The following SCAPER variants were observed in gnomAD, a reference collection of about 807,000 sequenced individuals.
The protein encoded by SCAPER is S phase cyclin A-associated protein in the endoplasmic reticulum.
Under a neutral mutation model 182.2 loss-of-function variants are expected in SCAPER, and 98 were observed. That is an observed-to-expected ratio of 0.54 (90% CI 0.46 to 0.64). SCAPER has a LOEUF of 0.64. Ranked by LOEUF, SCAPER falls within the 30% of genes least tolerant of loss-of-function variation. The pLI is 0.00. For missense variants in SCAPER, 1,432 were observed against 1,690.0 expected (o/e 0.85, Z 2.68); for synonymous variants, 605 against 564.6 (o/e 1.07, Z -1.01).
chr15:76,404,765 G>A lies in SCAPER; in HGVS notation c.3312-86C>T, dbSNP rs2044707050. On this transcript the variant is annotated intron_variant, in intron 26 of 31. Transcript: ENST00000563290. ...CAATGATAAATGCTACCATACACAG[G>A]CTTGGACCCCTCAAACATGCAGACA... is the stretch of plus-strand genomic sequence containing the variant. 5.9e-6 allele frequency: 8 copies of A among 1,346,786 alleles called. No homozygotes were observed. In the African/African-American group the frequency reaches 7.3e-5, roughly 12 times the overall value. 83.4% of individuals were successfully genotyped at this position (1,346,786 alleles called of 1,614,324 possible). A position where few individuals can be genotyped will look rare whatever the true frequency, so the allele number is the denominator to read the frequency against.
chr15:76,733,177 C>G lies in SCAPER; in HGVS notation c.2022+52G>C, dbSNP rs2061028249. On this transcript the variant is annotated intron_variant, in intron 16 of 31. Transcript: ENST00000563290. Reference sequence around the variant, plus strand: ...CCCACCGACCCTGCGGGGCTGGACCCTACAAATATGACAGGTGCTCAAGCA... The same window carrying G: ...CCCACCGACCCTGCGGGGCTGGACCGTACAAATATGACAGGTGCTCAAGCA... 26 of 1,527,064 alleles carry G rather than the reference C, an allele frequency of 1.7e-5. 1 individual carries two copies. In the South Asian group the frequency reaches 2.5e-4, roughly 14 times the overall value. The allele number at this position is 1,527,064 out of a possible 1,614,324, so 94.6% of individuals were successfully genotyped here. A position where few individuals can be genotyped will look rare whatever the true frequency, so the allele number is the denominator to read the frequency against.
chr15:76,846,573 CA>C (rs966494518), intron 4 of SCAPER, among the ~76,000 whole-genome samples: 2 of 152,052 alleles, frequency 1.3e-5, no homozygotes, highest in Admixed American at 6.6e-5. Flanking sequence ...AGAAGACATA[CA>C]AATGGCAAAC....
At chr15:76,526,293 G>C (rs1256615489) in intron 23 of SCAPER, among the ~76,000 whole-genome samples, 1 of 152,094 alleles carries the variant, frequency 6.6e-6, no homozygotes, top group African/African-American at 2.4e-5. Flanking sequence ...TATGCATTTT[G>C]AACATATTGC....
chr15:76,842,046 T>A (rs1020158799), intron 4 of SCAPER, 115 bp from the exon 5 acceptor site: 114 of 885,996 alleles, frequency 1.3e-4, no homozygotes, highest in Admixed American at 1.1e-4. Flanking sequence ...ATAAAAAGCA[T>A]CTGTACTGAA....
At chr15:76,393,466 G>A (rs145957890) in intron 27 of SCAPER, among the ~76,000 whole-genome samples, 102 of 152,300 alleles carry the variant, frequency 6.7e-4, no homozygotes, top group African/African-American at 2.3e-3. Flanking sequence ...TTAGGAATGG[G>A]CTGACAGTAT....
At chr15:76,678,436 A>G (rs934492089) in intron 20 of SCAPER, among the ~76,000 whole-genome samples, 1 of 152,126 alleles carries the variant, frequency 6.6e-6, no homozygotes, top group African/African-American at 2.4e-5. Context: ...ACATTTAAAA[A>G]ATATTATTAA....
chr15:76,490,529 T>C (rs981989339), intron 24 of SCAPER, among the ~76,000 whole-genome samples: 2 of 152,212 alleles, frequency 1.3e-5, no homozygotes, highest in African/African-American at 4.8e-5. Context: ...AAGAATTTCT[T>C]ACATATTTTG....
At chr15:76,475,632 G>A (rs2050567274) in intron 24 of SCAPER, among the ~76,000 whole-genome samples, 1 of 152,122 alleles carries the variant, frequency 6.6e-6, no homozygotes, top group African/African-American at 2.4e-5. Flanking sequence ...TTTTTAGGAA[G>A]AGCAGGGAAA....
At chr15:76,724,363 T>C (rs1234714865) in intron 17 of SCAPER, among the ~76,000 whole-genome samples, 3 of 152,220 alleles carry the variant, frequency 2.0e-5, no homozygotes, top group African/African-American at 7.2e-5. Context: ...TTAACATTTT[T>C]TCCTTCATTT....
In SCAPER at chr15:76,774,848, G is replaced by T. The variant is rs756402457; in HGVS notation, c.1035+7C>A. 6.2e-6 allele frequency: 10 copies of T among 1,606,380 alleles called. No homozygotes were observed. In the Admixed American group the frequency reaches 1.5e-4, roughly 24 times the overall value. ...AAGACAGTAAAAGGATTTTCAGAAT[G>T]TACTACCTGGGTTTTTTCGGCAAGA... is the stretch of plus-strand genomic sequence containing the variant. On this transcript the variant is annotated splice_region_variant and intron_variant, in intron 9 of 31. Transcript: ENST00000563290.
intron 8 of SCAPER, among the ~76,000 whole-genome samples, chr15:76,792,065 G>T (rs1259638021): frequency 1.3e-5 from 2 of 150,632 alleles, no homozygotes; most frequent in African/African-American, 4.9e-5. Flanking sequence ...TTAGCTGGAG[G>T]CTCTATAATC....
At chr15:76,554,905 C>T (rs993852652) in intron 23 of SCAPER, among the ~76,000 whole-genome samples, 1 of 151,970 alleles carries the variant, frequency 6.6e-6, no homozygotes, top group Admixed American at 6.6e-5. Flanking sequence ...CCTCAGCCTC[C>T]TGATAGCTGG....
intron 27 of SCAPER, among the ~76,000 whole-genome samples, chr15:76,392,921 A>G (rs2043805718): frequency 6.6e-6 from 1 of 152,150 alleles, no homozygotes; most frequent in Non-Finnish European, 1.5e-5. Flanking sequence ...TGAGGCCATC[A>G]TCCCTTGTCC....
In SCAPER at chr15:76,615,303, G is replaced by A. The variant is rs73457048; in HGVS notation, c.2711+6461C>T. Among the ~76,000 whole-genome samples the A allele has an allele frequency of 4.6e-3, 693 of 151,976 alleles. 7 individuals carry two copies. The highest frequency in any genetic ancestry group is 0.016 in the African/African-American group (660 of 41,422). ...CTACAAAAAATTACAAAAATTATCC[G>A]AGTTGGTGGCACACTCCTGTAGTCC... On this transcript the variant is annotated intron_variant, in intron 22 of 31. Coordinates refer to ENST00000563290, the MANE Select transcript of SCAPER (RefSeq NM_020843.4).
rs145362441 is a variant in SCAPER, at chr15:76,439,205, C to A, written c.3079-4895G>T. On this transcript the variant is annotated intron_variant, in intron 25 of 31. Transcript: ENST00000563290. ...AGTTCAAGCAATTCTCATGCTTCAC[C>A]TTCCCAAGAAGCTGGCATTACAGGT... Among the ~76,000 whole-genome samples, 113 of 152,150 alleles carry A rather than the reference C, an allele frequency of 7.4e-4. No individual in the cohort carries two copies. The East Asian group carries it at 0.021, about 28-fold the overall frequency.
intron 23 of SCAPER, among the ~76,000 whole-genome samples, chr15:76,566,239 G>A (rs1222906358): frequency 1.3e-5 from 2 of 152,116 alleles, no homozygotes; most frequent in Non-Finnish European, 2.9e-5. Context: ...AGGTATCGGT[G>A]AATGGAATTT....
Position 76,458,158 on chromosome 15 carries a change from ACTTTCAAGATACTCTCT to A in SCAPER, c.3078+13037_3078+13053del, listed in dbSNP as rs1163562898. On this transcript the variant is annotated intron_variant, in intron 25 of 31. Coordinates refer to ENST00000563290, the MANE Select transcript of SCAPER (RefSeq NM_020843.4). ...TTATTTACCTATATGAAATTTGTCT[ACTTTCAAGATACTCTCT>A]CTTTATATATTCTCTCACTATATAT... Among the ~76,000 whole-genome samples, 9 of 152,042 alleles carry A rather than the reference ACTTTCAAGATACTCTCT, an allele frequency of 5.9e-5. No individual in the cohort carries two copies. In the East Asian group the frequency reaches 1.7e-3, roughly 29 times the overall value.
chr15:76,538,247 C>T (rs1474573053), intron 23 of SCAPER, among the ~76,000 whole-genome samples: 2 of 149,092 alleles, frequency 1.3e-5, no homozygotes, highest in African/African-American at 5.0e-5. Context: ...AATCATGCTG[C>T]TATAAAGACA....
Position 76,771,833 on chromosome 15 carries a change from GC to G in SCAPER, c.1156del (p.Ala386LeufsTer8). 2 of 1,613,210 alleles carry G rather than the reference GC, an allele frequency of 1.2e-6. No individual in the cohort carries two copies. Among genetic ancestry groups the G allele is most frequent in the Non-Finnish European group, 1.7e-6 (2 of 1,179,418 alleles). ...DTECVSVMLQ[A>X]GTPPLQVNEE... The stretch of plus-strand genomic sequence containing the variant: ...ATTTACTTGTAAAGGAGGTGTACCA[GC>G]TTGCAGCATAACTGAAACACACTCT... On this transcript the variant is annotated frameshift_variant, in exon 10 of 32. Coordinates refer to ENST00000563290, the MANE Select transcript of SCAPER (RefSeq NM_020843.4). LOFTEE classifies it high-confidence loss of function.
Sources: gnomAD v4.1 joint callset for allele counts (sites outside exome capture counted in the v4.1 genomes callset) on GRCh38, gnomAD v4.1.1 for gene constraint, MANE v1.5 for transcripts, NCBI Gene and HGNC (gene_info 2026-07-23, HGNC 2026-07-21) for gene names.